SASH1: variants seen among roughly 807,000 people sequenced by gnomAD.
SASH1 encodes SAM and SH3 domain containing 1, also known as SAM and SH3 domain-containing protein 1.
SASH1 carries 44 observed loss-of-function variants against 125.2 expected under a neutral mutation model. The observed-to-expected ratio is 0.35, with a 90% confidence interval of 0.28 to 0.45. SASH1 has a LOEUF of 0.45. SASH1 is among the 20% of genes least tolerant of loss of function. The pLI, the probability that SASH1 is intolerant of heterozygous loss-of-function variation, is 1.00. For synonymous variants in SASH1, 639 were observed against 649.1 expected, an observed-to-expected ratio of 0.98 and a Z score of 0.24; for missense variants, 1,426 against 1,614.5, an observed-to-expected ratio of 0.88 and a Z score of 2.00.
chr6:148,534,525 C>T (rs1583317750), intron 15 of SASH1, among the ~76,000 whole-genome samples: 2 of 152,212 alleles, frequency 1.3e-5, no homozygotes, highest in East Asian at 3.8e-4. Context: ...TCCATCACAG[C>T]CTGCAATGTA....
intron 8 of SASH1, among the ~76,000 whole-genome samples, chr6:148,491,329 G>T (rs1449755746): frequency 3.3e-5 from 5 of 152,172 alleles, no homozygotes; most frequent in Admixed American, 3.3e-4. Context: ...GAGTGCAGCG[G>T]CATGATCTCG....
At chr6:148,349,237 CTTTCTTCT>C in intron 1 of SASH1, among the ~76,000 whole-genome samples, 1 of 69,634 alleles carries the variant, frequency 1.4e-5, no homozygotes, top group East Asian at 4.2e-4. Flanking sequence ...TTATTTCATT[CTTTCTTCT>C]TTCTTTCTTT....
At chr6:148,242,320 C>G in the SASH1 span, among the ~76,000 whole-genome samples, 7 of 152,114 alleles carry the variant, frequency 4.6e-5, no homozygotes, top group Non-Finnish European at 1.0e-4. Flanking sequence ...GGATGGAAAC[C>G]CTCTTTTTGG....
intron 2 of SASH1, among the ~76,000 whole-genome samples, chr6:148,412,389 C>G (rs925758753): frequency 1.1e-4 from 16 of 152,090 alleles, no homozygotes; most frequent in African/African-American, 3.9e-4. Flanking sequence ...GTTACACCTA[C>G]AGCATCCATG....
intron 4 of SASH1, among the ~76,000 whole-genome samples, chr6:148,454,725 C>T (rs1225477191): frequency 1.3e-5 from 2 of 152,182 alleles, no homozygotes; most frequent in Non-Finnish European, 2.9e-5. Context: ...CTGTGTGCAT[C>T]ACAGGAGGCA....
chr6:148,233,860 C>T, the SASH1 span, among the ~76,000 whole-genome samples: 2 of 147,938 alleles, frequency 1.4e-5, no homozygotes, highest in Non-Finnish European at 3.0e-5. Flanking sequence ...CTGCAGTAAG[C>T]GATGATGGCA....
intron 16 of SASH1, among the ~76,000 whole-genome samples, chr6:148,536,553 T>C (rs1038789307): frequency 2.0e-5 from 3 of 152,204 alleles, no homozygotes; most frequent in African/African-American, 7.2e-5. Context: ...ATGGCCAAGC[T>C]GGCCTCAAAC....
intron 4 of SASH1, among the ~76,000 whole-genome samples, chr6:148,464,451 C>T (rs947032284): frequency 5.9e-5 from 9 of 152,174 alleles, no homozygotes; most frequent in Non-Finnish European, 1.3e-4. Flanking sequence ...GTCCAAAGAG[C>T]AGATCCAGCT....
At chr6:148,439,553 C>T (rs551180456) in intron 2 of SASH1, among the ~76,000 whole-genome samples, 5 of 151,896 alleles carry the variant, frequency 3.3e-5, no homozygotes, top group East Asian at 3.9e-4. Flanking sequence ...CTGAGGGGGG[C>T]GGATCATGAG....
chr6:148,280,066 C>G (rs920557452), intron 1 of SASH1, among the ~76,000 whole-genome samples: 3 of 74,034 alleles, frequency 4.1e-5, no homozygotes, highest in Non-Finnish European at 8.4e-5. Flanking sequence ...CATTCCCCCC[C>G]ATCATTCCCC....
intron 2 of SASH1, among the ~76,000 whole-genome samples, chr6:148,410,407 G>A (rs1426079772): frequency 6.6e-6 from 1 of 152,072 alleles, no homozygotes; most frequent in Non-Finnish European, 1.5e-5. Context: ...GTAAGAAACT[G>A]CTGAAATGTT....
chr6:148,386,537 G>C (rs1208634210), intron 1 of SASH1, among the ~76,000 whole-genome samples: 1 of 152,164 alleles, frequency 6.6e-6, no homozygotes, highest in Non-Finnish European at 1.5e-5. Context: ...AAAGCCACAG[G>C]GTAGTGTGTA....
At chr6:148,305,833 C>T (rs2128516032) in intron 1 of SASH1, among the ~76,000 whole-genome samples, 1 of 152,142 alleles carries the variant, frequency 6.6e-6, no homozygotes, top group South Asian at 2.1e-4. Flanking sequence ...CTTTCCTATG[C>T]TTAAGTCTGA....
At chr6:148,535,682 T>G (rs910050966) in intron 16 of SASH1, among the ~76,000 whole-genome samples, 1 of 152,338 alleles carries the variant, frequency 6.6e-6, no homozygotes, top group East Asian at 1.9e-4. Flanking sequence ...CCATACCCTT[T>G]GCTCCATTAA....
the SASH1 span, among the ~76,000 whole-genome samples, chr6:148,196,407 G>A: frequency 6.6e-6 from 1 of 152,186 alleles, no homozygotes; most frequent in Non-Finnish European, 1.5e-5. Context: ...CAACAAGCAC[G>A]AACCATATAT....
chr6:148,407,044 G>C (rs764683662), intron 2 of SASH1, among the ~76,000 whole-genome samples: 1 of 152,000 alleles, frequency 6.6e-6, no homozygotes, highest in Non-Finnish European at 1.5e-5. Context: ...TATTATTTTA[G>C]TTTTTTAAAA....
rs1777784438 is a variant in SASH1, at chr6:148,465,369, T to C, written c.387-3176T>C. 3.9e-5 allele frequency among the ~76,000 whole-genome samples: 6 copies of C among 152,150 alleles called. No individual in the cohort carries two copies. In the South Asian group the frequency reaches 1.2e-3, roughly 32 times the overall value. The stretch of plus-strand genomic sequence containing the variant: ...GAGTTCAAGTCCAGCCTGGTCAACA[T>C]GGTGAAACCCCGTGTCTACTAAAAA... On this transcript the variant is annotated intron_variant, in intron 4 of 19. Coordinates refer to ENST00000367467, the MANE Select transcript of SASH1 (RefSeq NM_015278.5).
At chr6:148,313,640 C>T (rs974928397) in intron 1 of SASH1, among the ~76,000 whole-genome samples, 5 of 152,058 alleles carry the variant, frequency 3.3e-5, no homozygotes, top group African/African-American at 7.2e-5. Flanking sequence ...ACAGGTGGCA[C>T]GAGCTCGATG....
intron 2 of SASH1, among the ~76,000 whole-genome samples, chr6:148,434,462 C>G (rs1410671171): frequency 6.6e-6 from 1 of 152,116 alleles, no homozygotes; most frequent in South Asian, 2.1e-4. Flanking sequence ...GTGAGATATA[C>G]TCTCAGCGTT....
Sources: gnomAD v4.1 joint callset for allele counts (sites outside exome capture counted in the v4.1 genomes callset) on GRCh38, gnomAD v4.1.1 for gene constraint, MANE v1.5 for transcripts, NCBI Gene and HGNC (gene_info 2026-07-23, HGNC 2026-07-21) for gene names.